KCTD2: variants seen among roughly 807,000 people sequenced by gnomAD.
The protein encoded by KCTD2 is potassium channel tetramerization domain containing 2, also known as BTB/POZ domain-containing protein KCTD2.
Under a neutral mutation model 27.9 loss-of-function variants are expected in KCTD2, and 18 were observed. The observed-to-expected ratio is 0.64, with a 90% CI of 0.45 to 0.96. KCTD2 has a LOEUF of 0.96. KCTD2 is among the 40% of genes least tolerant of loss of function. KCTD2 has a pLI of 0.00. For missense variants in KCTD2, 280 were observed against 348.0 expected, an observed-to-expected ratio of 0.80 and a Z score of 1.56; for synonymous variants, 175 against 148.4, an observed-to-expected ratio of 1.18 and a Z score of -1.30.
chr17:75,040,153 A>G (rs371625622), intron 3 of KCTD2: 3 of 1,611,496 alleles, frequency 1.9e-6, no homozygotes, highest in African/African-American at 1.3e-5. Flanking sequence ...GGGAACCTTC[A>G]GCGCATTAAA....
At chr17:75,045,911 G>C (rs1008626375), upstream of KCTD2, among the ~76,000 whole-genome samples, 12 of 152,228 alleles carry the variant, frequency 7.9e-5, no homozygotes, top group African/African-American at 2.7e-4. Context: ...TATGTTTAGA[G>C]ATTGCAGTAA....
intron 3 of KCTD2, chr17:75,042,210 C>G: frequency 6.2e-7 from 1 of 1,614,180 alleles, no homozygotes; most frequent in Non-Finnish European, 8.5e-7. Context: ...ACCAAGCCAG[C>G]CTTGGCCACA....
In KCTD2 at chr17:75,032,803, C is replaced by G. The variant is rs2040077868; in HGVS notation, c.-470+79C>G. 6.6e-6 allele frequency: 1 copy of G among 152,400 alleles called. No individual in the cohort carries two copies. The highest frequency in any genetic ancestry group is 1.5e-5 in the Non-Finnish European group (1 of 68,162). The allele number at this position is 152,400 out of a possible 1,614,324, so 9.4% of individuals were successfully genotyped here. On this transcript the variant is annotated intron_variant, in intron 1 of 7. Transcript: ENST00000581589. This position sits in a 1 kb window ranked among gnomAD's most constrained non-coding sequence, Gnocchi z 4.8. ...GGCAGCAGGAAAGCAGAGAAGGCATCCCTGCAGGTTGGCCCTGGGGCAGAG... is the reference window on the plus strand; with the variant it reads ...GGCAGCAGGAAAGCAGAGAAGGCATGCCTGCAGGTTGGCCCTGGGGCAGAG...
At chr17:75,035,209 T>C (rs1348936835) in intron 2 of KCTD2, 2 of 152,098 alleles carry the variant, frequency 1.3e-5, no homozygotes, top group African/African-American at 4.8e-5. Context: ...CCTGCAACTA[T>C]AATCTTCCCT....
In KCTD2 at chr17:75,047,364, C is replaced by A; in HGVS notation, c.114C>A (p.Gly38=). 2 of 1,130,020 alleles carry A rather than the reference C, an allele frequency of 1.8e-6. No individual in the cohort carries two copies. The highest frequency in any genetic ancestry group is 2.2e-6 in the Non-Finnish European group (2 of 923,886). 70.0% of individuals were successfully genotyped at this position (1,130,020 alleles called of 1,614,324 possible). A position where few individuals can be genotyped will look rare whatever the true frequency, so the allele number is the denominator to read the frequency against. ...VRGPPSPRPA[G]PTPRGHGRPA... is the part of the protein sequence containing the mutation. Reference sequence around the variant, plus strand: ...GGCCCCCCAGCCCACGCCCGGCTGGCCCCACGCCCCGCGGGCACGGCCGCC... The same window carrying A: ...GGCCCCCCAGCCCACGCCCGGCTGGACCCACGCCCCGCGGGCACGGCCGCC... The change falls in exon 1 of 6, where the codon GGC becomes GGA. Residue 38 remains glycine, a synonymous_variant. Transcript: ENST00000322444.
At position 75,049,140 on chromosome 17, in the gene KCTD2, A is replaced by G. The variant is rs141432417; in HGVS notation, c.340-80A>G. ...GAATTGTTGTCTTGGGGCGCTGACA[A>G]AGATGGTGAAATCCTGCCCTGCCTT... On this transcript the variant is annotated intron_variant, in intron 1 of 5. Transcript: ENST00000322444. 8.4e-6 allele frequency: 7 copies of G among 828,458 alleles called. No homozygotes were observed. In the East Asian group the frequency reaches 1.0e-4, roughly 12 times the overall value. 51.3% of individuals were successfully genotyped at this position (828,458 alleles called of 1,614,324 possible). A position where few individuals can be genotyped will look rare whatever the true frequency, so the allele number is the denominator to read the frequency against.
intron 3 of KCTD2, among the ~76,000 whole-genome samples, chr17:75,037,734 T>C (rs1013162561): frequency 4.6e-5 from 7 of 152,172 alleles, no homozygotes; most frequent in Non-Finnish European, 1.0e-4. Flanking sequence ...AGTGGGGATT[T>C]TAAAAATTAA....
rs2073427193 is a variant in KCTD2, at chr17:75,063,618, G to T, written c.*571G>T. 6.5e-6 allele frequency: 1 copy of T among 153,454 alleles called. No individual in the cohort carries two copies. The highest frequency in any genetic ancestry group is 2.4e-5 in the African/African-American group (1 of 41,456). The allele number at this position is 153,454 out of a possible 1,614,324, so 9.5% of individuals were successfully genotyped here. A position where few individuals can be genotyped will look rare whatever the true frequency, so the allele number is the denominator to read the frequency against. On this transcript the variant is annotated 3_prime_UTR_variant, in exon 6 of 6. Coordinates refer to ENST00000322444, the MANE Select transcript of KCTD2 (RefSeq NM_015353.3). ...AGTACCCCGCATTCCCATGAATAGA[G>T]CCTCCAAGGAAAGGGAGGATGGGGT...
At chr17:75,054,084 C>G (rs1427433062) in intron 3 of KCTD2, among the ~76,000 whole-genome samples, 1 of 151,798 alleles carries the variant, frequency 6.6e-6, no homozygotes, top group Non-Finnish European at 1.5e-5. Flanking sequence ...GTGGCGTGAT[C>G]ACAGCTCACT....
In KCTD2 at chr17:75,053,050, C is replaced by A. The variant is rs543575001; in HGVS notation, c.485C>A (p.Ser162Tyr). The change falls in exon 3 of 6, where the codon TCC becomes TAC. Residue 162 changes from serine (S) to tyrosine (Y), a missense_variant. Physicochemically the swap from Ser to Tyr is moderately radical, Grantham distance 144 (BLOSUM62 -2). Transcript: ENST00000322444. Reference protein sequence around the residue: ...LEEAEFYNIASLVRLVKERIR... With the variant: ...LEEAEFYNIAYLVRLVKERIR... The stretch of plus-strand genomic sequence containing the variant: ...GAAGCGGAGTTTTACAACATCGCGT[C>A]CCTTGTGCGGCTGGTTAAGGAAAGG... 6.2e-7 allele frequency: 1 copy of A among 1,614,124 alleles called. No homozygotes were observed. Among genetic ancestry groups the A allele is most frequent in the East Asian group, 2.2e-5 (1 of 44,884 alleles).
upstream of KCTD2, chr17:75,042,706 T>C: frequency 6.4e-7 from 1 of 1,555,000 alleles, no homozygotes; most frequent in Non-Finnish European, 8.7e-7. Context: ...TGAGGTGAAT[T>C]TTCAGTTGGG....
At chr17:75,052,156 G>A (rs2073294741) in intron 2 of KCTD2, among the ~76,000 whole-genome samples, 1 of 152,218 alleles carries the variant, frequency 6.6e-6, no homozygotes. Context: ...GGTAGGGAAA[G>A]GAGGGTTGAA....
chr17:75,033,931 A>C (rs943295637), intron 1 of KCTD2: 7 of 152,286 alleles, frequency 4.6e-5, no homozygotes, highest in African/African-American at 1.4e-4. Context: ...TGGATAAGGC[A>C]CTGGCCTCCT....
chr17:75,061,514 G>C lies in KCTD2; in HGVS notation c.637-606G>C, dbSNP rs924641038. On this transcript the variant is annotated intron_variant, in intron 4 of 5. Transcript: ENST00000322444. ...AATAAAAGAATTAGCCAGGCATGGT[G>C]GCTGTAGTCCCTGTAGTCCCAGCTA... 5.9e-5 allele frequency among the ~76,000 whole-genome samples: 9 copies of C among 152,230 alleles called. No individual in the cohort carries two copies. The East Asian group carries it at 1.4e-3, about 23-fold the overall frequency.
In KCTD2 at chr17:75,033,634, T is replaced by C. The variant is rs555243147; in HGVS notation, c.-469-399T>C. On this transcript the variant is annotated intron_variant, in intron 1 of 7. Coordinates refer to the KCTD2 transcript ENST00000581589. ...GGAAGGAAACTCCTCCAAACCTCAGTCTTCATACCCCATGGTCCGGGTGTC... is the reference window on the plus strand; with the variant it reads ...GGAAGGAAACTCCTCCAAACCTCAGCCTTCATACCCCATGGTCCGGGTGTC... 2.6e-5 allele frequency among the ~76,000 whole-genome samples: 4 copies of C among 152,284 alleles called. No individual in the cohort carries two copies. In the East Asian group the frequency reaches 7.7e-4, roughly 29 times the overall value.
intron 1 of KCTD2, among the ~76,000 whole-genome samples, chr17:75,033,256 C>G (rs922051934): frequency 6.6e-6 from 1 of 152,082 alleles, no homozygotes; most frequent in Non-Finnish European, 1.5e-5. Context: ...GGATTACAGG[C>G]GTGAGCCACC....
chr17:75,063,521 G>C lies in KCTD2; in HGVS notation c.*474G>C, dbSNP rs9915968. ...GTCCCTCCTATGCACCCTCCAAGACGTGCAGCAGATGCAAAGGGTTCTAGC... is the reference window on the plus strand; with the variant it reads ...GTCCCTCCTATGCACCCTCCAAGACCTGCAGCAGATGCAAAGGGTTCTAGC... On this transcript the variant is annotated 3_prime_UTR_variant, in exon 6 of 6. Transcript: ENST00000322444. 0.34 allele frequency: 56,310 copies of C among 166,948 alleles called. 14,821 individuals are homozygous for C. Among genetic ancestry groups the C allele is most frequent in the African/African-American group, 0.73 (30,877 of 42,076 alleles). 10.3% of individuals were successfully genotyped at this position (166,948 alleles called of 1,614,324 possible).
At chr17:75,036,657 G>C (rs2040116161) in intron 3 of KCTD2, among the ~76,000 whole-genome samples, 1 of 152,206 alleles carries the variant, frequency 6.6e-6, no homozygotes, top group African/African-American at 2.4e-5. Context: ...TGCTCTCCTT[G>C]AACAGCGCGA....
chr17:75,053,869 T>G (rs2073320163), intron 3 of KCTD2, among the ~76,000 whole-genome samples: 1 of 138,188 alleles, frequency 7.2e-6, no homozygotes, highest in African/African-American at 2.8e-5. Context: ...TTTTTTTTTT[T>G]TTTTTTTTTT....
Sources: gnomAD v4.1 joint callset for allele counts (sites outside exome capture counted in the v4.1 genomes callset) on GRCh38, gnomAD v4.1.1 for gene constraint, Gnocchi (gnomAD v3.1) non-coding constraint, MANE v1.5 for transcripts, NCBI Gene and HGNC (gene_info 2026-07-23, HGNC 2026-07-21) for gene names.